OGFR: variants seen among roughly 807,000 people sequenced by gnomAD.
The protein encoded by OGFR is protein 7-60.
Under a neutral mutation model 33.6 loss-of-function variants are expected in OGFR, and 18 were observed. The observed-to-expected ratio is 0.54, with a 90% CI of 0.37 to 0.80. The LOEUF (loss-of-function observed/expected upper bound fraction) is 0.80. OGFR is among the 30% of genes least tolerant of loss of function. The pLI, the probability that OGFR is intolerant of heterozygous loss-of-function variation, is 0.00. For missense variants in OGFR, 877 were observed against 955.8 expected, an observed-to-expected ratio of 0.92 and a Z score of 1.09; for synonymous variants, 370 against 400.7, an observed-to-expected ratio of 0.92 and a Z score of 0.91.
chr20:62,812,455 C>A lies in OGFR; in HGVS notation c.840C>A (p.Pro280=). 1 of 1,581,200 alleles carries A rather than the reference C, an allele frequency of 6.3e-7. No individual in the cohort carries two copies. The change falls in exon 7 of 7, where the codon CCC becomes CCA. Residue 280 remains proline (P), a synonymous_variant. Coordinates refer to ENST00000290291, the MANE Select transcript of OGFR (RefSeq NM_007346.4). ...LVHFAWEHFR[P]RCKFVWGPQD... ...ACTTCGCCTGGGAGCACTTCCGGCC[C>A]CGCTGCAAGTTCGTCTGGGGGCCCC...
At chr20:62,809,709 G>C (rs45585738) in intron 4 of OGFR, 46 bp downstream of exon 4, 20 of 1,337,118 alleles carry the variant, frequency 1.5e-5, no homozygotes, top group South Asian at 4.7e-5. Context: ...GAGGCCACAG[G>C]GGGAGGGCCC....
chr20:62,813,548 A>T lies in OGFR; in HGVS notation c.1933A>T (p.Ser645Cys), dbSNP rs61735508. 1 of 1,576,902 alleles carries T rather than the reference A, an allele frequency of 6.3e-7. No homozygotes were observed. The highest frequency in any genetic ancestry group is 1.6e-5 in the African/African-American group (1 of 61,314). The change falls in exon 7 of 7, where the codon AGC (serine) becomes TGC (cysteine). Residue 645 changes from serine to cysteine, a missense_variant. Ser to Cys is a moderately radical substitution (Grantham distance 112, BLOSUM62 -1). Transcript: ENST00000290291. ...AESPSETPGP[S>C]PAGPTRDEPA... Reference sequence around the variant, plus strand: ...GAGCCCATCGGAGACCCCAGGCCCCAGCCCGGCAGGACCTACAAGGGATGA... The same window carrying T: ...GAGCCCATCGGAGACCCCAGGCCCCTGCCCGGCAGGACCTACAAGGGATGA...
rs1190966046 is a variant in OGFR at position 62,808,255 on chromosome 20, G to A, written c.249G>A (p.Val83=). ...TTTCTCTGGCTCTTCAGGATCTGGT[G>A]GAACGAGACTGCAATGGGGACACGC... ...CRYRHNYPDL[V]ERDCNGDTPN... Residue 83 remains valine, a synonymous_variant, in exon 3 of 7, where the codon GTG becomes GTA. Coordinates refer to ENST00000290291, the MANE Select transcript of OGFR (RefSeq NM_007346.4). 2.5e-6 allele frequency: 4 copies of A among 1,612,954 alleles called. No homozygotes were observed. The highest frequency in any genetic ancestry group is 8.5e-7 in the Non-Finnish European group (1 of 1,179,426).
intron 1 of OGFR, among the ~76,000 whole-genome samples, chr20:62,805,277 C>T (rs567865742): frequency 6.6e-6 from 1 of 151,850 alleles, no homozygotes; most frequent in East Asian, 1.9e-4. Context: ...GCCGTTCCCC[C>T]CGGGGGTGCC....
chr20:62,811,485 C>G lies in OGFR; in HGVS notation c.489C>G (p.Ile163Met). 6.2e-7 allele frequency: 1 copy of G among 1,611,658 alleles called. No individual in the cohort carries two copies. The highest frequency in any genetic ancestry group is 8.5e-7 in the Non-Finnish European group (1 of 1,179,564). The change falls in exon 6 of 7, where the codon ATC becomes ATG. Residue 163 changes from isoleucine (I) to methionine (M), a missense_variant. Physicochemically the swap from Ile to Met is conservative, Grantham distance 10 (BLOSUM62 1). This residue lies in a region of OGFR where 760 missense variants were observed against 736.0 expected (regional missense o/e 1.03). Transcript: ENST00000290291. ...AGGTGTTTAAAAGCTCCCAGGAGAT[C>G]CAGGAGCGGCTTGTCCGGGCCTACG... is the stretch of plus-strand genomic sequence containing the variant. ...EVEVFKSSQE[I>M]QERLVRAYEL...
chr20:62,804,910 G>C lies in OGFR; in HGVS notation c.51G>C (p.Ala17=). The part of the protein sequence containing the change: ...DSTWEEDEED[A]EDAEDEDCED... ...CCTGGGAGGAGGACGAGGAGGATGC[G>C]GAGGACGCGGAGGACGAGGACTGCG... Residue 17 remains alanine, a synonymous_variant, in exon 1 of 7, where the codon GCG becomes GCC. Coordinates refer to ENST00000290291, the MANE Select transcript of OGFR (RefSeq NM_007346.4). 6.7e-7 allele frequency: 1 copy of C among 1,494,868 alleles called. No individual in the cohort carries two copies. The highest frequency in any genetic ancestry group is 8.9e-7 in the Non-Finnish European group (1 of 1,122,582). 92.6% of individuals were successfully genotyped at this position (1,494,868 alleles called of 1,614,324 possible). A position where few individuals can be genotyped will look rare whatever the true frequency, so the allele number is the denominator to read the frequency against.
intron 4 of OGFR, 38 bp from the exon 5 acceptor site, chr20:62,810,461 T>C (rs1433138190): frequency 1.2e-6 from 2 of 1,607,684 alleles, no homozygotes; most frequent in Non-Finnish European, 1.7e-6. Flanking sequence ...TGGAAGCGGC[T>C]CTCCTAATCC....
chr20:62,811,133 G>A (rs983437859), intron 5 of OGFR, among the ~76,000 whole-genome samples: 8 of 152,190 alleles, frequency 5.3e-5, no homozygotes, highest in Non-Finnish European at 8.8e-5. Flanking sequence ...AGGCTGAGGC[G>A]GGTGGATCAC....
intron 1 of OGFR, chr20:62,805,722 G>C (rs1041729020): frequency 6.6e-6 from 1 of 152,436 alleles, no homozygotes; most frequent in Non-Finnish European, 1.5e-5. Context: ...AGCACTGTTT[G>C]CGTTTGCGCC....
In OGFR at chr20:62,813,169, A is replaced by C; in HGVS notation, c.1554A>C (p.Pro518=). The C allele has an allele frequency of 6.5e-7, 1 of 1,527,552 alleles. No individual in the cohort carries two copies. Among genetic ancestry groups the C allele is most frequent in the Non-Finnish European group, 8.9e-7 (1 of 1,118,670 alleles). 94.6% of individuals were successfully genotyped at this position (1,527,552 alleles called of 1,614,324 possible). A position where few individuals can be genotyped will look rare whatever the true frequency, so the allele number is the denominator to read the frequency against. The stretch of plus-strand genomic sequence containing the variant: ...CCAAAGAAGGTACCCCTGGGAGCCC[A>C]TCGGAGACCCCAGGCCCCAGCCCAG... ...TGPKEGTPGS[P]SETPGPSPAG... Residue 518 remains proline (P), a synonymous_variant, in exon 7 of 7, where the codon CCA becomes CCC. Coordinates refer to ENST00000290291, the MANE Select transcript of OGFR (RefSeq NM_007346.4).
At chr20:62,809,739 C>G (rs1417388033) in intron 4 of OGFR, 76 bp downstream of exon 4, 1 of 1,175,010 alleles carries the variant, frequency 8.5e-7, no homozygotes, top group Non-Finnish European at 1.3e-6. Context: ...GGAGCCCTCC[C>G]GACGCTGCTT....
At chr20:62,805,476 G>T (rs1990569577) in intron 1 of OGFR, 1 of 153,296 alleles carries the variant, frequency 6.5e-6, no homozygotes. Flanking sequence ...ACCTGCGGGA[G>T]CCCGGGGCGG....
In OGFR at chr20:62,813,707, C is replaced by T. The variant is rs914281185; in HGVS notation, c.*58C>T. On this transcript the variant is annotated 3_prime_UTR_variant, in exon 7 of 7. Transcript: ENST00000290291. ...CTGTCCCTGCTGCAGGGGCTGGGGCCTCCGGAGCTGCTGCGGGCTCCCCTC... is the reference window on the plus strand; with the variant it reads ...CTGTCCCTGCTGCAGGGGCTGGGGCTTCCGGAGCTGCTGCGGGCTCCCCTC... The T allele has an allele frequency of 1.3e-6, 2 of 1,583,754 alleles. No homozygotes were observed. Among genetic ancestry groups the T allele is most frequent in the African/African-American group, 2.7e-5 (2 of 74,248 alleles).
In OGFR at chr20:62,813,734, G is replaced by GCA; in HGVS notation, c.*85_*86insCA. ...CCGGAGCTGCTGCGGGCTCCCCTCAGGCTCTGCTTCGTGACCCGTGACCCA... is the reference window on the plus strand; with the variant it reads ...CCGGAGCTGCTGCGGGCTCCCCTCAGCAGCTCTGCTTCGTGACCCGTGACCCA... On this transcript the variant is annotated 3_prime_UTR_variant, in exon 7 of 7. Transcript: ENST00000290291. The GCA allele has an allele frequency of 6.6e-7, 1 of 1,509,578 alleles. No homozygotes were observed. The highest frequency in any genetic ancestry group is 9.2e-7 in the Non-Finnish European group (1 of 1,091,204). 93.5% of individuals were successfully genotyped at this position (1,509,578 alleles called of 1,614,324 possible).
rs771964779 is a variant in OGFR at position 62,809,464 on chromosome 20, G to A, written c.320-121G>A. ...CTGAAGAGCCTCAGGAGATGAGGGCGAGGAATAGCTTGGGGAAGCTGCTGG... is the reference window on the plus strand; with the variant it reads ...CTGAAGAGCCTCAGGAGATGAGGGCAAGGAATAGCTTGGGGAAGCTGCTGG... On this transcript the variant is annotated intron_variant, in intron 3 of 6. Transcript: ENST00000290291. 107 of 749,212 alleles carry A rather than the reference G, an allele frequency of 1.4e-4. 2 individuals carry two copies. The highest frequency in any genetic ancestry group is 8.2e-4 in the South Asian group (55 of 67,464). The allele number at this position is 749,212 out of a possible 1,614,324, so 46.4% of individuals were successfully genotyped here. A position where few individuals can be genotyped will look rare whatever the true frequency, so the allele number is the denominator to read the frequency against.
chr20:62,811,329 C>A, intron 5 of OGFR, 133 bp from the exon 6 acceptor site: 1 of 1,019,644 alleles, frequency 9.8e-7, no homozygotes, highest in Non-Finnish European at 1.4e-6. Flanking sequence ...AAGACTCTGT[C>A]TCTAAATAAA....
rs1990800566 is a variant in OGFR at position 62,813,569 on chromosome 20, G to A, written c.1954G>A (p.Asp652Asn). 6.2e-7 allele frequency: 1 copy of A among 1,610,712 alleles called. No individual in the cohort carries two copies. Among genetic ancestry groups the A allele is most frequent in the Non-Finnish European group, 8.5e-7 (1 of 1,178,816 alleles). ...CCCCAGCCCGGCAGGACCTACAAGG[G>A]ATGAGCCAGCCAAGGCGGGGGAGGC... The part of the protein sequence containing the change: ...PGPSPAGPTR[D>N]EPAKAGEAAE... The change falls in exon 7 of 7, where the codon GAT becomes AAT. Residue 652 changes from aspartate to asparagine, a missense_variant. Physicochemically the swap from Asp to Asn is conservative, Grantham distance 23. This residue lies in a region of OGFR where 45 missense variants were observed against 38.0 expected (regional missense o/e 1.19). Coordinates refer to ENST00000290291, the MANE Select transcript of OGFR (RefSeq NM_007346.4).
rs778278654 is a variant in OGFR, at chr20:62,804,877, C to T, written c.18C>T (p.Cys6=). Residue 6 remains cysteine, a synonymous_variant, in exon 1 of 7, where the codon TGC becomes TGT. Transcript: ENST00000290291. MDDPD[C]DSTWEEDEED... ...CGCCGAGCATGGACGACCCCGACTG[C>T]GACTCCACCTGGGAGGAGGACGAGG... The T allele has an allele frequency of 4.0e-6, 6 of 1,485,780 alleles. No individual in the cohort carries two copies. The highest frequency in any genetic ancestry group is 2.4e-4 in the Middle Eastern group (1 of 4,202). 92.0% of individuals were successfully genotyped at this position (1,485,780 alleles called of 1,614,324 possible).
chr20:62,811,478 A>C lies in OGFR; in HGVS notation c.482A>C (p.Gln161Pro). 2 of 1,611,650 alleles carry C rather than the reference A, an allele frequency of 1.2e-6. No homozygotes were observed. Among genetic ancestry groups the C allele is most frequent in the Non-Finnish European group, 1.7e-6 (2 of 1,179,548 alleles). The change falls in exon 6 of 7, where the codon CAG becomes CCG. Residue 161 changes from glutamine to proline, a missense_variant. Around this residue, in one of 3 missense-constraint regions of OGFR, gnomAD observed 760 missense variants for 736.0 expected, o/e 1.03. Coordinates refer to ENST00000290291, the MANE Select transcript of OGFR (RefSeq NM_007346.4). ...CTTTTCCAGGTGTTTAAAAGCTCCC[A>C]GGAGATCCAGGAGCGGCTTGTCCGG... ...LREVEVFKSSQEIQERLVRAY... is the reference protein window; with the variant it reads ...LREVEVFKSSPEIQERLVRAY...
Sources: allele counts gnomAD v4.1 joint callset (sites outside exome capture counted in the v4.1 genomes callset), GRCh38; gene constraint gnomAD v4.1.1; regional missense constraint gnomAD v4.1.1; transcripts MANE v1.5; gene names NCBI Gene and HGNC (gene_info 2026-07-23, HGNC 2026-07-21).